Variants in CSMD1 observed in about 807,000 individuals in gnomAD.
CSMD1 encodes CUB and Sushi multiple domains 1.
In CSMD1, 213 loss-of-function variants were observed where a neutral mutation model predicts 417.5. That is an observed-to-expected ratio of 0.51 (90% CI 0.46 to 0.57). The LOEUF is 0.57. CSMD1 is among the 20% of genes least tolerant of loss of function. The pLI, the probability that CSMD1 is intolerant of heterozygous loss-of-function variation, is 0.00. For missense variants in CSMD1, 6,923 were observed against 4,529.7 expected (o/e 1.53, Z -15.17); for synonymous variants, 2,862 against 1,736.8 (o/e 1.65, Z -16.11).
intron 8 of CSMD1, among the ~76,000 whole-genome samples, chr8:3,592,880 C>G (rs963884132): frequency 6.6e-6 from 1 of 152,042 alleles, no homozygotes; most frequent in Non-Finnish European, 1.5e-5. Context: ...TCTCCCACTT[C>G]CTGCTTCTCC....
At chr8:4,467,841 G>C (rs980836762) in intron 2 of CSMD1, among the ~76,000 whole-genome samples, 13 of 152,098 alleles carry the variant, frequency 8.5e-5, no homozygotes, top group African/African-American at 3.1e-4. Context: ...TGAAATAATT[G>C]GACAAAAGTC....
intron 3 of CSMD1, among the ~76,000 whole-genome samples, chr8:4,035,266 C>A (rs949573660): frequency 6.6e-6 from 1 of 152,092 alleles, no homozygotes; most frequent in Non-Finnish European, 1.5e-5. Flanking sequence ...GCCAGTCATA[C>A]AAATCTTCAG....
At chr8:3,984,991 T>C (rs905427105) in intron 5 of CSMD1, among the ~76,000 whole-genome samples, 24 of 152,082 alleles carry the variant, frequency 1.6e-4, no homozygotes, top group Non-Finnish European at 3.1e-4. Context: ...ATTATTCCGA[T>C]ACTGGGAAAA....
chr8:4,842,103 G>C (rs1460576125), intron 1 of CSMD1, among the ~76,000 whole-genome samples: 4 of 152,126 alleles, frequency 2.6e-5, no homozygotes, highest in Non-Finnish European at 4.4e-5. Flanking sequence ...CTGTATGAGA[G>C]ATGTAAAAAG....
At chr8:4,717,609 C>A (rs1303916085) in intron 1 of CSMD1, among the ~76,000 whole-genome samples, 1 of 141,698 alleles carries the variant, frequency 7.1e-6, no homozygotes, top group Non-Finnish European at 1.5e-5. Flanking sequence ...CATCCACAAG[C>A]AGTAGGAACT....
intron 12 of CSMD1, among the ~76,000 whole-genome samples, chr8:3,433,993 C>T (rs2117031613): frequency 6.6e-6 from 1 of 152,288 alleles, no homozygotes; most frequent in South Asian, 2.1e-4. Context: ...TTTTAGGTGG[C>T]AAAGCACTGA....
intron 11 of CSMD1, among the ~76,000 whole-genome samples, chr8:3,475,713 A>G (rs1817367629): frequency 6.6e-6 from 1 of 152,242 alleles, no homozygotes; most frequent in African/African-American, 2.4e-5. Context: ...TCGATGTTGA[A>G]CTGAAATCAA....
intron 4 of CSMD1, among the ~76,000 whole-genome samples, chr8:4,001,832 A>C (rs1048718337): frequency 6.6e-6 from 1 of 152,172 alleles, no homozygotes; most frequent in African/African-American, 2.4e-5. Context: ...AGTAGATGAC[A>C]TAAAGAAGGC....
intron 3 of CSMD1, among the ~76,000 whole-genome samples, chr8:4,322,747 C>T (rs1411511829): frequency 6.6e-6 from 1 of 152,202 alleles, no homozygotes; most frequent in Non-Finnish European, 1.5e-5. Flanking sequence ...GTAATACCAG[C>T]ACTTTGGAAG....
At chr8:3,566,985 T>C (rs1043074950) in intron 10 of CSMD1, among the ~76,000 whole-genome samples, 2 of 152,228 alleles carry the variant, frequency 1.3e-5, no homozygotes, top group Non-Finnish European at 2.9e-5. Context: ...TATAAGTTCA[T>C]TGCAGCACTA....
intron 3 of CSMD1, among the ~76,000 whole-genome samples, chr8:4,106,940 T>A (rs1392929499): frequency 1.3e-5 from 2 of 152,138 alleles, no homozygotes; most frequent in South Asian, 4.1e-4. Context: ...CGCGTTGTGG[T>A]TCTCAGTTTC....
chr8:4,804,555 C>T (rs536350571), intron 1 of CSMD1, among the ~76,000 whole-genome samples: 2 of 147,614 alleles, frequency 1.4e-5, no homozygotes, highest in Non-Finnish European at 3.0e-5. Flanking sequence ...GAGGGAGGAA[C>T]ACTGGGAGGG....
At chr8:4,009,301 T>C (rs1816371039) in intron 4 of CSMD1, among the ~76,000 whole-genome samples, 1 of 152,232 alleles carries the variant, frequency 6.6e-6, no homozygotes, top group African/African-American at 2.4e-5. Flanking sequence ...AGAATTTTTG[T>C]GCCCCTTTTG....
chr8:4,844,736 T>A (rs1212835864), intron 1 of CSMD1, among the ~76,000 whole-genome samples: 2 of 152,342 alleles, frequency 1.3e-5, no homozygotes, highest in East Asian at 3.9e-4. Flanking sequence ...TTATGATTAT[T>A]TCAAAACCAT....
At chr8:3,931,363 T>C (rs1030920898) in intron 5 of CSMD1, among the ~76,000 whole-genome samples, 1 of 150,648 alleles carries the variant, frequency 6.6e-6, no homozygotes, top group African/African-American at 2.4e-5. Flanking sequence ...CTCCCTCATT[T>C]CTCAGGCTTC....
intron 5 of CSMD1, among the ~76,000 whole-genome samples, chr8:3,957,842 T>C (rs1434234186): frequency 6.6e-6 from 1 of 152,228 alleles, no homozygotes; most frequent in East Asian, 1.9e-4. Context: ...TCACAAATTA[T>C]GTAGCCCATA....
intron 1 of CSMD1, among the ~76,000 whole-genome samples, chr8:4,733,988 A>C (rs748506174): frequency 6.6e-6 from 1 of 152,232 alleles, no homozygotes; most frequent in Non-Finnish European, 1.5e-5. Context: ...TGTGAAGTGA[A>C]GATTCTCTTA....
At chr8:3,400,268 C>T (rs1811958396) in intron 15 of CSMD1, among the ~76,000 whole-genome samples, 2 of 152,240 alleles carry the variant, frequency 1.3e-5, no homozygotes, top group Middle Eastern at 3.4e-3. Context: ...TGTTTTCTTT[C>T]AGATTTTATG....
At chr8:4,985,770 G>A (rs1811146250) in intron 1 of CSMD1, among the ~76,000 whole-genome samples, 1 of 152,152 alleles carries the variant, frequency 6.6e-6, no homozygotes, top group Non-Finnish European at 1.5e-5. Flanking sequence ...TGTTGAACAA[G>A]TGAACTGCAA....
Sources: allele counts gnomAD v4.1 joint callset (sites outside exome capture counted in the v4.1 genomes callset), GRCh38; gene constraint gnomAD v4.1.1; transcripts MANE v1.5; gene names NCBI Gene and HGNC (gene_info 2026-07-23, HGNC 2026-07-21).